ZNF239: variants seen among roughly 807,000 people sequenced by gnomAD.
ZNF239 encodes zinc finger protein 239.
Under a neutral mutation model 27.5 loss-of-function variants are expected in ZNF239, and 16 were observed. That is an observed-to-expected ratio of 0.58 (90% confidence interval 0.39 to 0.88). The LOEUF is 0.88. ZNF239 is among the 40% of genes least tolerant of loss of function. The pLI is 0.00. For synonymous variants in ZNF239, 199 were observed against 192.6 expected (o/e 1.03, Z -0.27); for missense variants, 527 against 551.9 (o/e 0.95, Z 0.45).
chr10:43,573,068 A>G (rs190905508), intron 2 of ZNF239, among the ~76,000 whole-genome samples: 2 of 152,322 alleles, frequency 1.3e-5, no homozygotes, highest in African/African-American at 2.4e-5. Context: ...AGTTCTTAAA[A>G]AACACCACAG....
Position 43,557,812 on chromosome 10 carries a change from G to A in ZNF239, c.268C>T (p.Gln90Ter), listed in dbSNP as rs1836903272. The A allele has an allele frequency of 6.2e-7, 1 of 1,614,072 alleles. No homozygotes were observed. The highest frequency in any genetic ancestry group is 1.1e-5 in the South Asian group (1 of 91,088). The change falls in exon 4 of 4, where the codon CAG becomes TAG. Residue 90 changes from glutamine to a stop codon, truncating the protein, a stop_gained. Transcript: ENST00000374446. LOFTEE classifies it high-confidence loss of function. ...ATTACAAAGAGACGTCTGCTTTCCTGATGATCCTGAGGCTCATTCTTACAG... is the reference window on the plus strand; with the variant it reads ...ATTACAAAGAGACGTCTGCTTTCCTAATGATCCTGAGGCTCATTCTTACAG... ...KFCKNEPQDH[Q>*]ESRRLFVMEE...
intron 2 of ZNF239, 62 bp downstream of exon 2, chr10:43,573,575 A>C: frequency 1.0e-6 from 1 of 974,512 alleles, no homozygotes; most frequent in Non-Finnish European, 1.2e-6. Context: ...AAAGAAAACA[A>C]CACATGGCAC....
At chr10:43,574,384 T>TGCCGCCGCGGGCCGC (rs1288251272) in intron 1 of ZNF239, among the ~76,000 whole-genome samples, 156 bp downstream of exon 1, 1 of 152,144 alleles carries the variant, frequency 6.6e-6, no homozygotes, top group African/African-American at 2.4e-5. Context: ...GGGACACACG[T>TGCCGCCGCGGGCCGC]GCCGCCGCGG....
At chr10:43,565,132 G>A (rs1035883896) in intron 3 of ZNF239, among the ~76,000 whole-genome samples, 3 of 152,098 alleles carry the variant, frequency 2.0e-5, no homozygotes, top group African/African-American at 7.2e-5. Flanking sequence ...CAACCAGGCT[G>A]GAGTGCAGTG....
At position 43,556,537 on chromosome 10, in the gene ZNF239, G is replaced by A; in HGVS notation, c.*166C>T. On this transcript the variant is annotated 3_prime_UTR_variant, in exon 4 of 4. Coordinates refer to ENST00000374446, the MANE Select transcript of ZNF239 (RefSeq NM_001099282.2). ...TCCATTCATTGTACAGCATAACAAA[G>A]TGCTTGATACTTAAATATTTTGAAT... 2.3e-6 allele frequency: 2 copies of A among 857,822 alleles called. No individual in the cohort carries two copies. Among genetic ancestry groups the A allele is most frequent in the Non-Finnish European group, 3.5e-6 (2 of 574,212 alleles). 53.1% of individuals were successfully genotyped at this position (857,822 alleles called of 1,614,324 possible).
At chr10:43,565,817 G>GAAAAAAAAAAAAAAAAAAAA (rs36039838) in intron 3 of ZNF239, among the ~76,000 whole-genome samples, 1 of 67,146 alleles carries the variant, frequency 1.5e-5, no homozygotes, top group Non-Finnish European at 2.5e-5. Context: ...TCCATCTCAA[G>GAAAAAAAAAAAAAAAAAAAA]AAAAAAAAAA....
At position 43,568,515 on chromosome 10, in the gene ZNF239, G is replaced by A. The variant is rs59891171; in HGVS notation, c.-215-494C>T. 1.7e-3 allele frequency: 1,646 copies of A among 952,976 alleles called. 21 individuals carry two copies. In the African/African-American group the frequency reaches 0.027, roughly 16 times the overall value. 59.0% of individuals were successfully genotyped at this position (952,976 alleles called of 1,614,324 possible). A position where few individuals can be genotyped will look rare whatever the true frequency, so the allele number is the denominator to read the frequency against. ...TATGAATCTCTCTAATATCCTACAA[G>A]TTAAAAATCACTTCCTATGCTTTCT... On this transcript the variant is annotated intron_variant, in intron 2 of 3. Transcript: ENST00000374446.
intron 2 of ZNF239, among the ~76,000 whole-genome samples, chr10:43,571,340 A>G (rs902187673): frequency 1.3e-5 from 2 of 150,338 alleles, no homozygotes; most frequent in Non-Finnish European, 3.0e-5. Flanking sequence ...ATTACACTTG[A>G]GTCTAGCACA....
rs1837791483 is a variant in ZNF239, at chr10:43,567,974, C to A, written c.-168G>T. ...TGGGAGCAGAGTCCAGGTGACCTCA[C>A]TCCTCCTCGGTGAAGGCCACAGAGG... On this transcript the variant is annotated 5_prime_UTR_variant, in exon 3 of 4. Coordinates refer to ENST00000374446, the MANE Select transcript of ZNF239 (RefSeq NM_001099282.2). The A allele has an allele frequency of 9.1e-6, 9 of 986,038 alleles. No homozygotes were observed. Among genetic ancestry groups the A allele is most frequent in the Non-Finnish European group, 1.1e-5 (9 of 830,090 alleles). The allele number at this position is 986,038 out of a possible 1,614,324, so 61.1% of individuals were successfully genotyped here.
At position 43,557,846 on chromosome 10, in the gene ZNF239, T is replaced by G; in HGVS notation, c.234A>C (p.Ser78=). 1 of 1,614,250 alleles carries G rather than the reference T, an allele frequency of 6.2e-7. No homozygotes were observed. The highest frequency in any genetic ancestry group is 8.5e-7 in the Non-Finnish European group (1 of 1,180,042). Residue 78 remains serine (S), a synonymous_variant, in exon 4 of 4, where the codon TCA becomes TCC. Transcript: ENST00000374446. ...VSSQIDTQDS[S]VKFCKNEPQD... ...GAGGCTCATTCTTACAGAACTTCACTGAAGAGTCTTGTGTGTCTATTTGGC... is the reference window on the plus strand; with the variant it reads ...GAGGCTCATTCTTACAGAACTTCACGGAAGAGTCTTGTGTGTCTATTTGGC...
Position 43,556,934 on chromosome 10 carries a change from C to T in ZNF239, c.1146G>A (p.Lys382=), listed in dbSNP as rs753462647. 1.2e-5 allele frequency: 19 copies of T among 1,613,678 alleles called. 1 individual carries two copies. Among genetic ancestry groups the T allele is most frequent in the East Asian group, 8.9e-5 (4 of 44,862 alleles). The change falls in exon 4 of 4, where the codon AAG becomes AAA. Residue 382 remains lysine, a synonymous_variant. Transcript: ENST00000374446. ...EKPYQCYECG[K]GFSQSSDLRI... ...GAAGATCCGAGCTCTGGCTGAAACC[C>T]TTCCCACACTCATAGCATTGGTAAG... is the stretch of plus-strand genomic sequence containing the variant.
At chr10:43,561,362 C>CAAAG (rs959073228) in intron 3 of ZNF239, among the ~76,000 whole-genome samples, 2 of 151,934 alleles carry the variant, frequency 1.3e-5, no homozygotes, top group African/African-American at 2.4e-5. Flanking sequence ...AACAAACAAA[C>CAAAG]AAAGAAACAG....
intron 3 of ZNF239, among the ~76,000 whole-genome samples, chr10:43,558,478 T>C (rs1352910059): frequency 6.6e-6 from 1 of 152,206 alleles, no homozygotes; most frequent in Non-Finnish European, 1.5e-5. Flanking sequence ...AGACAGAGTT[T>C]CACTCTGCTG....
intron 2 of ZNF239, 153 bp from the exon 3 acceptor site, chr10:43,568,174 A>G (rs925387545): frequency 3.0e-6 from 3 of 985,356 alleles, no homozygotes; most frequent in Non-Finnish European, 3.6e-6. Context: ...GTTTTGTTGG[A>G]AAGTCTTTCC....
At chr10:43,562,186 A>G (rs1202483395) in intron 3 of ZNF239, among the ~76,000 whole-genome samples, 1 of 152,244 alleles carries the variant, frequency 6.6e-6, no homozygotes, top group East Asian at 1.9e-4. Flanking sequence ...AAACTGAGAA[A>G]TAACAGTATA....
rs1446118913 is a variant in ZNF239 at position 43,557,708 on chromosome 10, T to C, written c.372A>G (p.Gly124=). The C allele has an allele frequency of 9.9e-6, 16 of 1,614,034 alleles. No homozygotes were observed. The highest frequency in any genetic ancestry group is 1.2e-5 in the Non-Finnish European group (14 of 1,180,046). Residue 124 remains glycine (G), a synonymous_variant, in exon 4 of 4, where the codon GGA becomes GGG. Transcript: ENST00000374446. ...TTAACAATGGCGAGGCCAGTTCTTG[T>C]CCATCAGACACCAGTTTAACTTGAA... The part of the protein sequence containing the change: ...ENLQVKLVSD[G]QELASPLLNG...
At chr10:43,574,493 C>G (rs992231020) in intron 1 of ZNF239, 47 bp downstream of exon 1, 26 of 152,342 alleles carry the variant, frequency 1.7e-4, no homozygotes, top group African/African-American at 4.8e-4. Context: ...CATTTCCTGA[C>G]CCCTGAACGC....
chr10:43,572,388 T>C (rs146646571), intron 2 of ZNF239, among the ~76,000 whole-genome samples: 1 of 152,300 alleles, frequency 6.6e-6, no homozygotes, highest in Non-Finnish European at 1.5e-5. Context: ...CTAAACAGAT[T>C]TTTTCTAAGA....
intron 2 of ZNF239, among the ~76,000 whole-genome samples, chr10:43,572,897 A>C (rs906074640): frequency 3.3e-5 from 5 of 152,224 alleles, no homozygotes; most frequent in African/African-American, 1.2e-4. Flanking sequence ...GAACAAATCA[A>C]CCTGAGTATA....
Sources: allele counts gnomAD v4.1 joint callset (sites outside exome capture counted in the v4.1 genomes callset), GRCh38; gene constraint gnomAD v4.1.1; transcripts MANE v1.5; gene names NCBI Gene and HGNC (gene_info 2026-07-23, HGNC 2026-07-21).